The following GUF1 variants were observed in gnomAD, a reference collection of about 807,000 sequenced individuals.
The protein encoded by GUF1 is GTP binding elongation factor GUF1, also known as translation factor GUF1, mitochondrial.
Under a neutral mutation model 82.4 loss-of-function variants are expected in GUF1, and 78 were observed. The observed-to-expected ratio is 0.95, with a 90% CI of 0.79 to 1.14. GUF1 has a LOEUF of 1.14. Among genes scored for constraint, GUF1 ranks in the 50% most tolerant of loss-of-function variants. GUF1 has a pLI of 0.00. For missense variants in GUF1, 814 were observed against 798.2 expected, an observed-to-expected ratio of 1.02 and a Z score of -0.24; for synonymous variants, 279 against 282.3, an observed-to-expected ratio of 0.99 and a Z score of 0.12.
chr4:44,683,103 G>A (rs1348028978), intron 5 of GUF1, 132 bp from the exon 6 acceptor site: 5 of 515,280 alleles, frequency 9.7e-6, no homozygotes, highest in Non-Finnish European at 1.7e-5. Flanking sequence ...TTATTTTACT[G>A]CTTTTGAAAA....
At chr4:44,698,485 C>T in intron 16 of GUF1, 59 bp from the exon 17 acceptor site, 4 of 1,340,450 alleles carry the variant, frequency 3.0e-6, no homozygotes, top group Non-Finnish European at 4.1e-6. Flanking sequence ...CCGCTGTAAT[C>T]ATATGATTGT....
rs180842958 is a variant in GUF1, at chr4:44,678,525, C to T, written c.-98C>T. 4 of 984,486 alleles carry T rather than the reference C, an allele frequency of 4.1e-6. No individual in the cohort carries two copies. The Admixed American group carries it at 1.3e-4, about 31-fold the overall frequency. 61.0% of individuals were successfully genotyped at this position (984,486 alleles called of 1,614,324 possible). The stretch of plus-strand genomic sequence containing the variant: ...TCGCTTCACAGGATCTGTTTGAGTC[C>T]TGTCCACCGGATCCTACGGGGGGTA... On this transcript the variant is annotated 5_prime_UTR_variant, in exon 1 of 17. Transcript: ENST00000281543.
chr4:44,688,393 A>G lies in GUF1; in HGVS notation c.1078+247A>G, dbSNP rs73179898. Among the ~76,000 whole-genome samples the G allele has an allele frequency of 0.028, 4,297 of 151,926 alleles. 193 individuals are homozygous for G. The highest frequency in any genetic ancestry group is 0.099 in the African/African-American group (4,117 of 41,482). On this transcript the variant is annotated intron_variant, in intron 9 of 16. Coordinates refer to ENST00000281543, the MANE Select transcript of GUF1 (RefSeq NM_021927.3). Reference sequence around the variant, plus strand: ...GAAGAAGCTGTGATATATAGGATACAGTAATATAAATTTCTTTCTTATTTT... The same window carrying G: ...GAAGAAGCTGTGATATATAGGATACGGTAATATAAATTTCTTTCTTATTTT...
Position 44,690,797 on chromosome 4 carries a change from AGTT to A in GUF1, c.1420_1422del (p.Val474del). The stretch of plus-strand genomic sequence containing the variant: ...CAAAAGTAACAGAATATTTGGAGCC[AGTT>A]GTTTTGGGCACTATTATCACACCAG... On this transcript the variant is annotated inframe_deletion, in exon 12 of 17. Transcript: ENST00000281543. The A allele has an allele frequency of 1.2e-6, 2 of 1,604,762 alleles. No individual in the cohort carries two copies. Among genetic ancestry groups the A allele is most frequent in the South Asian group, 2.2e-5 (2 of 90,400 alleles).
At chr4:44,698,283 G>C (rs886375655) in intron 16 of GUF1, among the ~76,000 whole-genome samples, 3 of 152,084 alleles carry the variant, frequency 2.0e-5, no homozygotes, top group Non-Finnish European at 2.9e-5. Flanking sequence ...CCTAGAATCA[G>C]TAAGGAGATT....
At chr4:44,694,552 C>A in intron 14 of GUF1, 39 bp downstream of exon 14, 3 of 1,174,276 alleles carry the variant, frequency 2.6e-6, no homozygotes, top group Non-Finnish European at 3.7e-6. Flanking sequence ...TGTGAAAATA[C>A]TTTTGATATG....
At chr4:44,696,193 T>C (rs1715814089) in intron 15 of GUF1, among the ~76,000 whole-genome samples, 1 of 152,172 alleles carries the variant, frequency 6.6e-6, no homozygotes, top group Non-Finnish European at 1.5e-5. Context: ...GGAATGCCAA[T>C]ACCATGTTAG....
In GUF1 at chr4:44,686,023, CGTGA is replaced by C. The variant is rs1560342975; in HGVS notation, c.734+3_734+6del. 2 of 1,596,478 alleles carry C rather than the reference CGTGA, an allele frequency of 1.3e-6. No homozygotes were observed. Among genetic ancestry groups the C allele is most frequent in the Admixed American group, 3.3e-5 (2 of 59,852 alleles). On this transcript the variant is annotated splice_donor_variant and splice_donor_region_variant and intron_variant, in intron 7 of 16. Transcript: ENST00000281543. LOFTEE classifies it high-confidence loss of function. Reference sequence around the variant, plus strand: ...CAGGCAATTATTGAAAGAATCCCCCCGTGAGTATTTGGTGATTTTTGTACTAGTT... The same window carrying C: ...CAGGCAATTATTGAAAGAATCCCCCCGTATTTGGTGATTTTTGTACTAGTT...
chr4:44,691,599 G>A, intron 12 of GUF1, 67 bp from the exon 13 acceptor site: 1 of 1,237,972 alleles, frequency 8.1e-7, no homozygotes, highest in Non-Finnish European at 1.1e-6. Context: ...GACCTTTAGA[G>A]AAATACATCA....
chr4:44,697,313 A>C (rs1024627584), intron 15 of GUF1, 95 bp from the exon 16 acceptor site: 2 of 660,950 alleles, frequency 3.0e-6, no homozygotes, highest in South Asian at 2.7e-5. Flanking sequence ...CTATCATTAA[A>C]ATTTTCTAGT....
At chr4:44,694,617 A>T in intron 14 of GUF1, 104 bp downstream of exon 14, 1 of 687,560 alleles carries the variant, frequency 1.5e-6, no homozygotes, top group South Asian at 1.9e-5. Flanking sequence ...TAAGGTAATT[A>T]AAATAGAGTT....
intron 14 of GUF1, 42 bp downstream of exon 14, chr4:44,694,555 T>C (rs2109664564): frequency 1.7e-6 from 2 of 1,169,174 alleles, no homozygotes; most frequent in East Asian, 2.4e-5. Flanking sequence ...GAAAATACTT[T>C]TGATATGTTT....
chr4:44,694,354 A>G, intron 13 of GUF1, 58 bp from the exon 14 acceptor site: 1 of 975,928 alleles, frequency 1.0e-6, no homozygotes, highest in Non-Finnish European at 1.7e-6. Flanking sequence ...AGTAAAGAGT[A>G]ATAAAGGTAA....
intron 11 of GUF1, 82 bp downstream of exon 11, chr4:44,690,057 G>C: frequency 9.6e-7 from 1 of 1,039,486 alleles, no homozygotes; most frequent in Non-Finnish European, 1.3e-6. Context: ...ATACAATGCA[G>C]GAGAAGCTTT....
In GUF1 at chr4:44,678,720, C is replaced by T. The variant is rs1337374314; in HGVS notation, c.98C>T (p.Ala33Val). 2 of 1,517,328 alleles carry T rather than the reference C, an allele frequency of 1.3e-6. No individual in the cohort carries two copies. Among genetic ancestry groups the T allele is most frequent in the Non-Finnish European group, 1.7e-6 (2 of 1,145,906 alleles). 94.0% of individuals were successfully genotyped at this position (1,517,328 alleles called of 1,614,324 possible). The change falls in exon 1 of 17, where the codon GCG (alanine) becomes GTG (valine). Residue 33 changes from alanine (A) to valine (V), a missense_variant. Physicochemically the swap from Ala to Val is moderately conservative, Grantham distance 64 (BLOSUM62 0). Coordinates refer to ENST00000281543, the MANE Select transcript of GUF1 (RefSeq NM_021927.3). The part of the protein sequence containing the change: ...ALLVAPGPRS[A>V]PTLGAAPESW... ...CTGGTGGCCCCGGGGCCCCGGTCCG[C>T]GCCGACCCTTGGGGCTGCTCCAGAG...
intron 4 of GUF1, 128 bp downstream of exon 4, chr4:44,681,331 CT>C: frequency 1.5e-6 from 1 of 664,562 alleles, no homozygotes; most frequent in Non-Finnish European, 2.7e-6. Context: ...CTGTTACTTA[CT>C]GAAAATCATA....
chr4:44,693,595 T>C (rs183042371), intron 13 of GUF1, among the ~76,000 whole-genome samples: 12 of 152,250 alleles, frequency 7.9e-5, no homozygotes, highest in East Asian at 1.9e-4. Context: ...TGAAAATCTT[T>C]AGAAACCAAA....
intron 13 of GUF1, among the ~76,000 whole-genome samples, chr4:44,693,014 A>C (rs1715545789): frequency 6.6e-6 from 1 of 152,026 alleles, no homozygotes; most frequent in Admixed American, 6.6e-5. Context: ...AGAGAACATG[A>C]TTTATTTTTG....
At position 44,688,164 on chromosome 4, in the gene GUF1, T is replaced by G; in HGVS notation, c.1078+18T>G. 6.2e-7 allele frequency: 1 copy of G among 1,600,376 alleles called. No individual in the cohort carries two copies. Among genetic ancestry groups the G allele is most frequent in the Non-Finnish European group, 8.5e-7 (1 of 1,174,032 alleles). On this transcript the variant is annotated intron_variant, in intron 9 of 16. Coordinates refer to ENST00000281543, the MANE Select transcript of GUF1 (RefSeq NM_021927.3). ...ATTTGCAGGTGAGGAGTTCACAAAT[T>G]CAAAGGTTGAGGGCCATGATATTTT... is the stretch of plus-strand genomic sequence containing the variant.
Sources: allele counts gnomAD v4.1 joint callset (sites outside exome capture counted in the v4.1 genomes callset), GRCh38; gene constraint gnomAD v4.1.1; transcripts MANE v1.5; gene names NCBI Gene and HGNC (gene_info 2026-07-23, HGNC 2026-07-21).